SLAIN1: variants seen among roughly 807,000 people sequenced by gnomAD.
SLAIN1 encodes the protein SLAIN family member 1, also known as SLAIN motif-containing protein 1.
Under a neutral mutation model 55.4 loss-of-function variants are expected in SLAIN1, and 17 were observed. The ratio of observed to expected loss-of-function variants is 0.31; its 90% CI spans 0.21 to 0.46. The LOEUF (loss-of-function observed/expected upper bound fraction) is 0.46, where lower values mean the gene tolerates loss of function less well. SLAIN1 is among the 20% of genes least tolerant of loss of function. The pLI, the probability that SLAIN1 is intolerant of heterozygous loss-of-function variation, is 1.00. For missense variants in SLAIN1, 682 were observed against 785.1 expected, an observed-to-expected ratio of 0.87 and a Z score of 1.57; for synonymous variants, 348 against 337.4, an observed-to-expected ratio of 1.03 and a Z score of -0.35.
intron 2 of SLAIN1, among the ~76,000 whole-genome samples, chr13:77,732,241 A>G (rs1872908105): frequency 6.6e-6 from 1 of 152,148 alleles, no homozygotes; most frequent in Non-Finnish European, 1.5e-5. Context: ...AGTGCTTTCT[A>G]AAAGCTTGGA....
intron 4 of SLAIN1, among the ~76,000 whole-genome samples, chr13:77,750,661 C>T (rs1874146023): frequency 6.6e-6 from 1 of 152,090 alleles, no homozygotes; most frequent in African/African-American, 2.4e-5. Context: ...TAAAAATAGG[C>T]ATCAAGAAGA....
At chr13:77,743,315 G>A in intron 2 of SLAIN1, 1 of 476,552 alleles carries the variant, frequency 2.1e-6, no homozygotes, top group Non-Finnish European at 3.3e-6. Context: ...AAAAGGCCTA[G>A]CACTAATTTG....
chr13:77,748,685 A>C (rs1202396537), intron 4 of SLAIN1, among the ~76,000 whole-genome samples: 1 of 152,104 alleles, frequency 6.6e-6, no homozygotes, highest in African/African-American at 2.4e-5. Context: ...TAAAATGTCT[A>C]GTTTTCACAA....
intron 5 of SLAIN1, 61 bp from the exon 6 acceptor site, chr13:77,760,767 A>G: frequency 1.3e-6 from 2 of 1,561,512 alleles, no homozygotes; most frequent in Non-Finnish European, 1.7e-6. Flanking sequence ...AAAATAACAC[A>G]CATTTCCTAA....
chr13:77,725,563 A>C (rs2091300083), intron 2 of SLAIN1, among the ~76,000 whole-genome samples: 1 of 152,172 alleles, frequency 6.6e-6, no homozygotes. Context: ...TATTTGAGCA[A>C]ATATTTTCGA....
At chr13:77,719,211 A>G (rs746516331) in intron 1 of SLAIN1, among the ~76,000 whole-genome samples, 1 of 151,930 alleles carries the variant, frequency 6.6e-6, no homozygotes, top group Non-Finnish European at 1.5e-5. Flanking sequence ...TGACATGTCA[A>G]TAGAGATAGT....
At chr13:77,727,453 AC>A (rs1169276418) in intron 2 of SLAIN1, among the ~76,000 whole-genome samples, 9 of 151,840 alleles carry the variant, frequency 5.9e-5, no homozygotes, top group African/African-American at 2.2e-4. Context: ...AAAAAACAAA[AC>A]AATTTTCATT....
intron 1 of SLAIN1, among the ~76,000 whole-genome samples, chr13:77,713,578 G>A (rs1370664649): frequency 6.6e-6 from 1 of 152,208 alleles, no homozygotes; most frequent in Non-Finnish European, 1.5e-5. Flanking sequence ...TGGTGGGAGT[G>A]TAAATTAGTT....
chr13:77,719,330 T>A (rs1217257950), intron 1 of SLAIN1, among the ~76,000 whole-genome samples: 1 of 152,086 alleles, frequency 6.6e-6, no homozygotes, highest in Non-Finnish European at 1.5e-5. Flanking sequence ...TAGACCTTTT[T>A]TTGGAAGTTC....
At chr13:77,761,864 A>T (rs1258983459) in intron 6 of SLAIN1, among the ~76,000 whole-genome samples, 2 of 152,086 alleles carry the variant, frequency 1.3e-5, no homozygotes, top group Non-Finnish European at 2.9e-5. Context: ...TGGTTTGAGG[A>T]GAGATTGGTA....
chr13:77,714,810 C>T (rs1175526947), intron 1 of SLAIN1, among the ~76,000 whole-genome samples: 1 of 152,028 alleles, frequency 6.6e-6, no homozygotes, highest in Non-Finnish European at 1.5e-5. Flanking sequence ...CTTGAAGTTT[C>T]CTGTGGCCCC....
chr13:77,717,780 C>T (rs1048139543), intron 1 of SLAIN1, among the ~76,000 whole-genome samples: 1 of 152,124 alleles, frequency 6.6e-6, no homozygotes, highest in Non-Finnish European at 1.5e-5. Context: ...CTGGAAGCTG[C>T]TTAGAAATCC....
intron 5 of SLAIN1, among the ~76,000 whole-genome samples, chr13:77,754,705 A>G (rs1594295709): frequency 1.3e-5 from 2 of 152,184 alleles, no homozygotes; most frequent in East Asian, 3.9e-4. Flanking sequence ...CCCAAACAAT[A>G]CTAGAGTGGA....
intron 5 of SLAIN1, among the ~76,000 whole-genome samples, chr13:77,759,135 A>G (rs1874821695): frequency 2.0e-5 from 3 of 151,688 alleles, no homozygotes; most frequent in Non-Finnish European, 2.9e-5. Flanking sequence ...TCCTTGTAAG[A>G]TTTTTCACCT....
chr13:77,719,171 C>T (rs997994962), intron 1 of SLAIN1, among the ~76,000 whole-genome samples: 1 of 151,096 alleles, frequency 6.6e-6, no homozygotes, highest in Admixed American at 6.6e-5. Context: ...GATTCTGTTG[C>T]CAAAGAGAAA....
At chr13:77,741,335 CT>C (rs1873422244) in intron 2 of SLAIN1, 2 of 987,368 alleles carry the variant, frequency 2.0e-6, no homozygotes, top group African/African-American at 3.5e-5. Flanking sequence ...TTATTAACCC[CT>C]AGTTTGTAGT....
chr13:77,764,091 G>T lies in SLAIN1; in HGVS notation c.*871G>T, dbSNP rs1363874873. On this transcript the variant is annotated 3_prime_UTR_variant, in exon 7 of 7. Coordinates refer to ENST00000418532, the MANE Select transcript of SLAIN1 (RefSeq NM_001242868.2). ...CTTCTGGAAATGAATGCATTTTAAA[G>T]CAAATAAATCTTTTTGATAGACCTT... 6.6e-6 allele frequency: 1 copy of T among 152,562 alleles called. No homozygotes were observed. Among genetic ancestry groups the T allele is most frequent in the African/African-American group, 2.4e-5 (1 of 41,450 alleles). The allele number at this position is 152,562 out of a possible 1,614,324, so 9.5% of individuals were successfully genotyped here. A position where few individuals can be genotyped will look rare whatever the true frequency, so the allele number is the denominator to read the frequency against.
chr13:77,715,860 G>A (rs569604402), intron 1 of SLAIN1, among the ~76,000 whole-genome samples: 10 of 152,196 alleles, frequency 6.6e-5, no homozygotes, highest in African/African-American at 2.2e-4. Flanking sequence ...TTCCCAATCT[G>A]TGGTTTATCA....
chr13:77,746,369 C>T (rs1386585633), intron 3 of SLAIN1, 145 bp from the exon 4 acceptor site: 2 of 661,984 alleles, frequency 3.0e-6, no homozygotes, highest in South Asian at 4.8e-5. Flanking sequence ...TCTTGGTAAA[C>T]TTGTCAATTT....
Sources: allele counts gnomAD v4.1 joint callset (sites outside exome capture counted in the v4.1 genomes callset), GRCh38; gene constraint gnomAD v4.1.1; transcripts MANE v1.5; gene names NCBI Gene and HGNC (gene_info 2026-07-23, HGNC 2026-07-21).